BCAS1: variants seen among roughly 807,000 people sequenced by gnomAD.
The protein encoded by BCAS1 is brain enriched myelin associated protein 1.
BCAS1 carries 46 observed loss-of-function variants against 65.4 expected under a neutral mutation model. The ratio of observed to expected loss-of-function variants is 0.70; its 90% CI spans 0.55 to 0.90. The LOEUF (loss-of-function observed/expected upper bound fraction) is 0.90, where lower values mean the gene tolerates loss of function less well. Ranked by LOEUF, BCAS1 falls within the 40% of genes least tolerant of loss-of-function variation. The pLI is 0.00. For missense variants in BCAS1, 793 were observed against 771.2 expected (o/e 1.03, Z -0.33); for synonymous variants, 298 against 293.5 (o/e 1.02, Z -0.16).
intron 4 of BCAS1, among the ~76,000 whole-genome samples, chr20:54,018,333 C>A (rs1046709402): frequency 2.0e-5 from 3 of 151,834 alleles, no homozygotes; most frequent in African/African-American, 7.3e-5. Flanking sequence ...GCTGGGGAAT[C>A]TAAAATCATT....
chr20:53,978,733 A>G (rs933485056), intron 8 of BCAS1, among the ~76,000 whole-genome samples: 18 of 152,232 alleles, frequency 1.2e-4, no homozygotes, highest in African/African-American at 3.9e-4. Context: ...CAGTTAAAAT[A>G]AGAATTCAAA....
chr20:54,067,365 A>G (rs290442), intron 1 of BCAS1, among the ~76,000 whole-genome samples: 75,735 of 151,742 alleles, frequency 0.5, 20,540 homozygotes, highest in East Asian at 0.6. Context: ...GACAGAATGA[A>G]ACTCTCTCAA....
At chr20:53,975,636 T>G (rs1401925302) in intron 8 of BCAS1, among the ~76,000 whole-genome samples, 3 of 151,508 alleles carry the variant, frequency 2.0e-5, no homozygotes, top group African/African-American at 4.9e-5. Context: ...TATTTTAAAA[T>G]GCAACAAAGA....
chr20:53,957,917 A>T (rs1207031058), intron 10 of BCAS1, among the ~76,000 whole-genome samples: 1 of 148,946 alleles, frequency 6.7e-6, no homozygotes, highest in African/African-American at 2.5e-5. Flanking sequence ...TAGAGATATG[A>T]GTTTTGTTTA....
At chr20:53,985,078 C>A (rs184613750) in intron 8 of BCAS1, among the ~76,000 whole-genome samples, 65 of 152,280 alleles carry the variant, frequency 4.3e-4, no homozygotes, top group Non-Finnish European at 1.9e-4. Flanking sequence ...TCCTTTTCTT[C>A]CCCACGAAAC....
chr20:54,029,688 A>G (rs2091759113), intron 3 of BCAS1, among the ~76,000 whole-genome samples: 2 of 152,250 alleles, frequency 1.3e-5, no homozygotes, highest in Admixed American at 1.3e-4. Flanking sequence ...TAAAGCAAGT[A>G]CAATAGCACC....
intron 12 of BCAS1, among the ~76,000 whole-genome samples, chr20:53,949,937 C>T (rs1177416058): frequency 6.6e-6 from 1 of 152,202 alleles, no homozygotes; most frequent in Non-Finnish European, 1.5e-5. Context: ...CTTGTCACTT[C>T]TTCAGGAATC....
chr20:53,994,130 C>T (rs1401868857), intron 6 of BCAS1, among the ~76,000 whole-genome samples: 1 of 152,214 alleles, frequency 6.6e-6, no homozygotes, highest in East Asian at 1.9e-4. Flanking sequence ...TCACAGCCAG[C>T]TCCTTCACAT....
intron 3 of BCAS1, among the ~76,000 whole-genome samples, chr20:54,046,528 C>CAA (rs71196442): frequency 0.013 from 695 of 54,178 alleles, 19 homozygotes; most frequent in African/African-American, 0.039. Context: ...GACTCCATCT[C>CAA]AAAAAAAAAA....
In BCAS1 at chr20:54,041,200, G is replaced by A. The variant is rs1006313658; in HGVS notation, c.143-12228C>T. Among the ~76,000 whole-genome samples, 10 of 151,224 alleles carry A rather than the reference G, an allele frequency of 6.6e-5. 1 individual carries two copies. Among genetic ancestry groups the A allele is most frequent in the African/African-American group, 2.2e-4 (9 of 41,328 alleles). ...ATAGGGAAAAAACTCAGCGCTAAAG[G>A]GTAGGGAGTTTTGTTTTGGAGTAAT... On this transcript the variant is annotated intron_variant, in intron 3 of 12. Coordinates refer to ENST00000688948, the MANE Select transcript of BCAS1 (RefSeq NM_001366298.2).
At chr20:54,058,756 G>C (rs1036063108) in intron 1 of BCAS1, 33 bp from the exon 2 acceptor site, 1 of 1,604,260 alleles carries the variant, frequency 6.2e-7, no homozygotes, top group African/African-American at 1.3e-5. Context: ...AAGAGAGAAA[G>C]AAATCAAAAC....
intron 9 of BCAS1, among the ~76,000 whole-genome samples, chr20:53,972,930 G>A (rs2090219999): frequency 6.6e-6 from 1 of 152,208 alleles, no homozygotes; most frequent in Non-Finnish European, 1.5e-5. Context: ...TAGGCTGTCA[G>A]AAGATGAAAT....
At chr20:54,014,837 T>G (rs1484344088) in intron 4 of BCAS1, among the ~76,000 whole-genome samples, 2 of 152,174 alleles carry the variant, frequency 1.3e-5, no homozygotes, top group Non-Finnish European at 1.5e-5. Context: ...AATCACGAAG[T>G]CTTCATTTTT....
At chr20:54,064,555 G>A (rs1420725632) in intron 1 of BCAS1, among the ~76,000 whole-genome samples, 1 of 152,198 alleles carries the variant, frequency 6.6e-6, no homozygotes, top group East Asian at 1.9e-4. Context: ...CTGGCGGGCA[G>A]GGCAGGCTTT....
intron 10 of BCAS1, among the ~76,000 whole-genome samples, chr20:53,963,686 A>T (rs2089950710): frequency 6.6e-6 from 1 of 152,000 alleles, no homozygotes; most frequent in Non-Finnish European, 1.5e-5. Context: ...CGCTCAAAAA[A>T]CCCTTAGCGA....
intron 3 of BCAS1, among the ~76,000 whole-genome samples, chr20:54,034,896 T>C (rs1241702241): frequency 1.3e-5 from 2 of 151,340 alleles, no homozygotes; most frequent in East Asian, 3.9e-4. Context: ...ACTACAAGGC[T>C]ACAGTAACCA....
intron 10 of BCAS1, among the ~76,000 whole-genome samples, chr20:53,964,267 CAT>C (rs935396423): frequency 5.9e-5 from 9 of 152,150 alleles, no homozygotes; most frequent in Admixed American, 2.0e-4. Flanking sequence ...GGGCCGGTAA[CAT>C]AAATGAGTGA....
intron 4 of BCAS1, among the ~76,000 whole-genome samples, chr20:54,005,328 C>CAAAACAAAACAAAACAAAACAAAACAA (rs2091160729): frequency 6.6e-6 from 1 of 152,016 alleles, no homozygotes; most frequent in South Asian, 2.1e-4. Flanking sequence ...CAAAACAAAA[C>CAAAACAAAACAAAACAAAACAAAACAA]AAAACAGAAA....
intron 4 of BCAS1, among the ~76,000 whole-genome samples, chr20:54,008,315 C>T (rs779331196): frequency 9.2e-5 from 14 of 152,174 alleles, no homozygotes; most frequent in South Asian, 2.1e-4. Flanking sequence ...CCATGGTGTC[C>T]GCGGGGACCA....
Sources: gnomAD v4.1 joint callset for allele counts (sites outside exome capture counted in the v4.1 genomes callset) on GRCh38, gnomAD v4.1.1 for gene constraint, MANE v1.5 for transcripts, NCBI Gene and HGNC (gene_info 2026-07-23, HGNC 2026-07-21) for gene names.